The following TNS1 variants were observed in gnomAD, a reference collection of about 807,000 sequenced individuals.
TNS1 encodes the protein tensin 1, also known as tensin-1.
A neutral mutation model predicts 168.6 loss-of-function variants in TNS1; 62 were observed. That is an observed-to-expected ratio of 0.37 (90% CI 0.30 to 0.45). The LOEUF (loss-of-function observed/expected upper bound fraction) is 0.45, where lower values mean the gene tolerates loss of function less well. Among genes scored for constraint, TNS1 ranks in the 20% least tolerant of loss-of-function variants. The pLI, the probability that TNS1 is intolerant of heterozygous loss-of-function variation, is 1.00. For missense variants in TNS1, 2,240 were observed against 2,339.4 expected (o/e 0.96, Z 0.88); for synonymous variants, 934 against 933.2 (o/e 1.00, Z -0.02).
rs114577669 is a variant in TNS1 at position 218,009,379 on chromosome 2, C to A, written c.96+721G>T. Among the ~76,000 whole-genome samples the A allele has an allele frequency of 2.8e-3, 427 of 152,220 alleles. 2 individuals carry two copies. The highest frequency in any genetic ancestry group is 9.7e-3 in the African/African-American group (404 of 41,528). On this transcript the variant is annotated intron_variant, in intron 1 of 32. Transcript: ENST00000646520. ...TCCACCCTCACGTCTATACTCCCCC[C>A]ACCCACACACATACACACGTTACAC...
intron 19 of TNS1, among the ~76,000 whole-genome samples, chr2:217,843,486 C>G (rs1275078620): frequency 2.0e-5 from 3 of 152,158 alleles, no homozygotes; most frequent in African/African-American, 7.2e-5. Flanking sequence ...TATCACAAAA[C>G]CACTGAAAAG....
intron 3 of TNS1, among the ~76,000 whole-genome samples, chr2:217,969,762 C>CA (rs2126025062): frequency 6.6e-6 from 1 of 152,264 alleles, no homozygotes; most frequent in Admixed American, 6.5e-5. Context: ...TGGCTACAAT[C>CA]AAAAAGTCAG....
chr2:217,816,860 G>A (rs1941965424), intron 24 of TNS1, among the ~76,000 whole-genome samples: 1 of 152,126 alleles, frequency 6.6e-6, no homozygotes, highest in African/African-American at 2.4e-5. Flanking sequence ...GGGAGCTGGG[G>A]CCCATCTGAG....
chr2:218,026,685 C>T (rs553472009), intron 1 of TNS1, among the ~76,000 whole-genome samples: 8 of 152,362 alleles, frequency 5.3e-5, no homozygotes, highest in South Asian at 2.1e-4. Flanking sequence ...TCCCACCCAC[C>T]GCGTATGTCA....
Position 217,847,798 on chromosome 2 carries a change from C to A in TNS1, c.2719G>T (p.Ala907Ser), listed in dbSNP as rs1232087218. The A allele has an allele frequency of 6.2e-7, 1 of 1,602,730 alleles. No individual in the cohort carries two copies. Among genetic ancestry groups the A allele is most frequent in the Admixed American group, 1.7e-5 (1 of 59,830 alleles). Reference sequence around the variant, plus strand: ...CCAGGAGGGACAGACTCCAGAGAGGCCCGTGGGGCTGGCTCAGGGGTTCCC... The same window carrying A: ...CCAGGAGGGACAGACTCCAGAGAGGACCGTGGGGCTGGCTCAGGGGTTCCC... ...SLGTPEPAPR[A>S]SLESVPPGRS... is the part of the protein sequence containing the mutation. Residue 907 changes from alanine (A) to serine (S), a missense_variant, in exon 19 of 33, where the codon GCC becomes TCC. Physicochemically the swap from Ala to Ser is moderately conservative, Grantham distance 99. Around this residue, in one of 2 missense-constraint regions of TNS1, gnomAD observed 2,131 missense variants for 2,171.2 expected, o/e 0.98. Coordinates refer to ENST00000682258, the MANE Select transcript of TNS1 (RefSeq NM_001387777.1).
At chr2:217,810,122 G>T in intron 29 of TNS1, 126 bp downstream of exon 29, 2 of 1,430,198 alleles carry the variant, frequency 1.4e-6, no homozygotes, top group Non-Finnish European at 1.9e-6. Flanking sequence ...TCTGCACATA[G>T]AAATGTGATC....
chr2:217,976,018 A>G (rs1957885873), intron 3 of TNS1, among the ~76,000 whole-genome samples: 1 of 151,916 alleles, frequency 6.6e-6, no homozygotes, highest in Admixed American at 6.6e-5. Context: ...AGTTCCTCTC[A>G]CCTCAGGGCC....
At position 217,916,560 on chromosome 2, in the gene TNS1, G is replaced by A. The variant is rs181252820; in HGVS notation, c.228+3635C>T. Among the ~76,000 whole-genome samples the A allele has an allele frequency of 7.2e-5, 11 of 152,322 alleles. No homozygotes were observed. The East Asian group carries it at 1.5e-3, about 21-fold the overall frequency. ...CTTTGCAAGGATCAGGAGTGTCCGT[G>A]GCAAACAAGCCCTCTTGCCTCTCCA... On this transcript the variant is annotated intron_variant, in intron 4 of 32. Coordinates refer to ENST00000682258, the MANE Select transcript of TNS1 (RefSeq NM_001387777.1).
intron 18 of TNS1, among the ~76,000 whole-genome samples, chr2:217,855,951 C>A (rs1272587603): frequency 3.3e-5 from 5 of 152,178 alleles, no homozygotes; most frequent in Non-Finnish European, 7.3e-5. Flanking sequence ...TACCCCATGG[C>A]ATCCCCTACA....
At chr2:217,839,872 C>T (rs546536708) in intron 19 of TNS1, among the ~76,000 whole-genome samples, 51 of 152,324 alleles carry the variant, frequency 3.3e-4, no homozygotes, top group African/African-American at 9.6e-4. Context: ...TCCGGGAGGC[C>T]ACCTGCTGGG....
Position 217,809,754 on chromosome 2 carries a change from G to A in TNS1, c.5273+69C>T, listed in dbSNP as rs1392183556. On this transcript the variant is annotated intron_variant, in intron 30 of 32. Coordinates refer to ENST00000682258, the MANE Select transcript of TNS1 (RefSeq NM_001387777.1). ...GGAATCAATCAAGTGGTAAATGTGT[G>A]GGTACACGGATGAATAGATGAGTCA... The A allele has an allele frequency of 1.2e-5, 18 of 1,486,792 alleles. No individual in the cohort carries two copies. The Admixed American group carries it at 2.5e-4, about 21-fold the overall frequency. 92.1% of individuals were successfully genotyped at this position (1,486,792 alleles called of 1,614,324 possible).
chr2:217,962,629 G>T (rs191296515), intron 3 of TNS1, among the ~76,000 whole-genome samples: 42 of 152,278 alleles, frequency 2.8e-4, no homozygotes, highest in African/African-American at 8.9e-4. Context: ...TGGGGATAAG[G>T]CACCATTCTT....
intron 18 of TNS1, among the ~76,000 whole-genome samples, chr2:217,879,797 G>A (rs1950523938): frequency 3.3e-5 from 5 of 152,104 alleles, no homozygotes; most frequent in Admixed American, 3.3e-4. Context: ...AGGAAAGAGG[G>A]CACAGGGAGG....
chr2:217,870,093 A>G (rs1574889790), intron 18 of TNS1, among the ~76,000 whole-genome samples: 1 of 152,210 alleles, frequency 6.6e-6, no homozygotes, highest in African/African-American at 2.4e-5. Context: ...TTTTAATCTG[A>G]AAAACAATTC....
chr2:217,957,740 G>A (rs562002765), intron 3 of TNS1, among the ~76,000 whole-genome samples: 1 of 149,852 alleles, frequency 6.7e-6, no homozygotes, highest in East Asian at 2.0e-4. Flanking sequence ...TGGTATTATG[G>A]TAATGTTAAA....
rs149115781 is a variant in TNS1, at chr2:217,973,125, G to A, written c.186+5640C>T. Among the ~76,000 whole-genome samples the A allele has an allele frequency of 4.1e-3, 624 of 152,110 alleles. 10 individuals carry two copies. Among genetic ancestry groups the A allele is most frequent in the East Asian group, 0.039 (200 of 5,162 alleles). On this transcript the variant is annotated intron_variant, in intron 3 of 32. Coordinates refer to ENST00000682258, the MANE Select transcript of TNS1 (RefSeq NM_001387777.1). ...TCTCAGCACTTTGGGAAGTCAAGGC[G>A]GCCAGATCACTTGAGCCCAGGAGTT...
At chr2:217,996,443 C>T (rs928956749) in intron 1 of TNS1, among the ~76,000 whole-genome samples, 1 of 152,102 alleles carries the variant, frequency 6.6e-6, no homozygotes, top group African/African-American at 2.4e-5. Context: ...CTGGGAGTCC[C>T]ATGGGCACCT....
chr2:217,923,173 C>T (rs1485521542), intron 3 of TNS1, among the ~76,000 whole-genome samples: 1 of 152,116 alleles, frequency 6.6e-6, no homozygotes, highest in Non-Finnish European at 1.5e-5. Flanking sequence ...GGTCTTGGTG[C>T]CAGCGCTGTC....
chr2:217,807,976 T>G (rs1939504173), intron 32 of TNS1, 99 bp downstream of exon 32: 2 of 1,444,064 alleles, frequency 1.4e-6, no homozygotes, highest in Non-Finnish European at 1.9e-6. Context: ...TGCTGCTCTT[T>G]CCCTACCCCC....
Sources: gnomAD v4.1 joint callset for allele counts (sites outside exome capture counted in the v4.1 genomes callset) on GRCh38, gnomAD v4.1.1 for gene constraint, gnomAD v4.1.1 regional missense constraint, MANE v1.5 for transcripts, NCBI Gene and HGNC (gene_info 2026-07-23, HGNC 2026-07-21) for gene names.